ASIC2: variants seen among roughly 807,000 people sequenced by gnomAD.
ASIC2 encodes acid sensing ion channel subunit 2.
A neutral mutation model predicts 57.3 loss-of-function variants in ASIC2; 25 were observed. The ratio of observed to expected loss-of-function variants is 0.44; its 90% CI spans 0.32 to 0.61. The LOEUF (loss-of-function observed/expected upper bound fraction) is 0.61, where lower values mean the gene tolerates loss of function less well. ASIC2 is among the 20% of genes least tolerant of loss of function. The pLI, the probability that ASIC2 is intolerant of heterozygous loss-of-function variation, is 0.06. For missense variants in ASIC2, 641 were observed against 738.1 expected (o/e 0.87, Z 1.52); for synonymous variants, 319 against 307.5 (o/e 1.04, Z -0.39).
chr17:33,056,579 G>A, intron 3 of ASIC2, among the ~76,000 whole-genome samples: 1 of 152,154 alleles, frequency 6.6e-6, no homozygotes, highest in Non-Finnish European at 1.5e-5. Context: ...CATCCCCACT[G>A]TAATGTGCTG....
chr17:33,104,976 A>G (rs8074764), intron 2 of ASIC2, among the ~76,000 whole-genome samples: 97,367 of 152,054 alleles, frequency 0.64, 31,621 homozygotes, highest in African/African-American at 0.75. Context: ...TCACTAATGC[A>G]GGCTTCTCCC....
chr17:33,426,147 G>A (rs1387686489), intron 1 of ASIC2, among the ~76,000 whole-genome samples: 1 of 152,152 alleles, frequency 6.6e-6, no homozygotes, highest in Non-Finnish European at 1.5e-5. Flanking sequence ...TGTTGTTTTT[G>A]TTGTTTTGCT....
intron 1 of ASIC2, among the ~76,000 whole-genome samples, chr17:33,602,132 G>C (rs1482668842): frequency 6.6e-6 from 1 of 152,184 alleles, no homozygotes; most frequent in Non-Finnish European, 1.5e-5. Flanking sequence ...TTGGAGTTTG[G>C]ACTTTCGAGT....
At chr17:33,127,266 C>T (rs932076951) in intron 1 of ASIC2, among the ~76,000 whole-genome samples, 2 of 152,152 alleles carry the variant, frequency 1.3e-5, no homozygotes, top group East Asian at 1.9e-4. Context: ...CAGGGGCAGA[C>T]GTGGGATCTC....
intron 1 of ASIC2, among the ~76,000 whole-genome samples, chr17:33,641,330 A>G (rs1906556863): frequency 1.3e-5 from 2 of 152,220 alleles, no homozygotes; most frequent in Non-Finnish European, 1.5e-5. Flanking sequence ...TCACTTCTTT[A>G]CTGAACATCC....
Position 33,955,461 on chromosome 17 carries a change from C to T in ASIC2, c.555+200517G>A, listed in dbSNP as rs576974869. The T allele has an allele frequency of 7.2e-5, 11 of 152,348 alleles. No homozygotes were observed. The East Asian group carries it at 2.1e-3, about 29-fold the overall frequency. The allele number at this position is 152,348 out of a possible 1,614,324, so 9.4% of individuals were successfully genotyped here. A position where few individuals can be genotyped will look rare whatever the true frequency, so the allele number is the denominator to read the frequency against. The stretch of plus-strand genomic sequence containing the variant: ...TTCCAGCTTGCTTCCTGGTGGCTTC[C>T]TGCCTGCTTCTGTTCCTGGAAGCTT... On this transcript the variant is annotated intron_variant, in intron 1 of 9. Transcript: ENST00000359872.
intron 1 of ASIC2, among the ~76,000 whole-genome samples, chr17:33,788,836 G>A (rs1222502595): frequency 1.3e-5 from 2 of 152,140 alleles, no homozygotes; most frequent in African/African-American, 4.8e-5. Context: ...TCACTCATAA[G>A]TGGGAAGTGA....
At chr17:33,846,160 T>G (rs1412455925) in intron 1 of ASIC2, among the ~76,000 whole-genome samples, 2 of 152,202 alleles carry the variant, frequency 1.3e-5, no homozygotes, top group Non-Finnish European at 1.5e-5. Flanking sequence ...AGGCCCAGTG[T>G]GCACAGGCTT....
chr17:33,204,194 C>A (rs1906978340), intron 1 of ASIC2, among the ~76,000 whole-genome samples: 1 of 152,198 alleles, frequency 6.6e-6, no homozygotes, highest in South Asian at 2.1e-4. Context: ...ATTGTCTGGT[C>A]TTTTGTCTCA....
At chr17:33,493,934 C>A (rs1913845875) in intron 1 of ASIC2, among the ~76,000 whole-genome samples, 1 of 152,346 alleles carries the variant, frequency 6.6e-6, no homozygotes, top group East Asian at 1.9e-4. Flanking sequence ...CCACTGACTA[C>A]CCTCTGTAGA....
chr17:33,663,042 C>T (rs1461755691), intron 1 of ASIC2, among the ~76,000 whole-genome samples: 2 of 152,308 alleles, frequency 1.3e-5, no homozygotes, highest in East Asian at 1.9e-4. Flanking sequence ...CACACGCACT[C>T]GCATGCGCCT....
At chr17:33,362,572 G>A (rs1394386) in intron 1 of ASIC2, among the ~76,000 whole-genome samples, 26,328 of 152,196 alleles carry the variant, frequency 0.17, 2,945 homozygotes, top group East Asian at 0.48. Context: ...GCATTTAACT[G>A]GGGAGTGTCA....
chr17:33,651,869 G>T (rs280045), intron 1 of ASIC2, among the ~76,000 whole-genome samples: 43,971 of 152,088 alleles, frequency 0.29, 6,972 homozygotes, highest in Admixed American at 0.4. Flanking sequence ...GAGTGAGGTG[G>T]AGAACACAGT....
chr17:33,915,207 A>G (rs1349418277), intron 1 of ASIC2, among the ~76,000 whole-genome samples: 1 of 152,220 alleles, frequency 6.6e-6, no homozygotes, highest in African/African-American at 2.4e-5. Flanking sequence ...ATAGCTGTGC[A>G]AATCTGAGAC....
intron 1 of ASIC2, among the ~76,000 whole-genome samples, chr17:33,799,430 CTTTCTTTCT>C (rs1567719049): frequency 2.1e-3 from 32 of 15,384 alleles, no homozygotes; most frequent in African/African-American, 5.5e-3. Context: ...TTTCTTTCTT[CTTTCTTTCT>C]TTCTTTCTTT....
chr17:33,244,368 G>A (rs966567725), intron 1 of ASIC2, among the ~76,000 whole-genome samples: 11 of 152,186 alleles, frequency 7.2e-5, no homozygotes, highest in Admixed American at 4.6e-4. Flanking sequence ...TCTAGGAAGT[G>A]CGTGAAATCC....
At chr17:33,461,650 T>G (rs1438259279) in intron 1 of ASIC2, among the ~76,000 whole-genome samples, 1 of 152,152 alleles carries the variant, frequency 6.6e-6, no homozygotes, top group East Asian at 1.9e-4. Context: ...ACCTAAGCTT[T>G]CCAAATGCTA....
chr17:33,690,810 C>T (rs555557740), intron 1 of ASIC2, among the ~76,000 whole-genome samples: 12 of 133,016 alleles, frequency 9.0e-5, no homozygotes, highest in South Asian at 4.8e-4. Context: ...AGTTCAGTGG[C>T]GCAATCTTGG....
chr17:33,210,134 G>A (rs11656803), intron 1 of ASIC2, among the ~76,000 whole-genome samples: 6,145 of 152,170 alleles, frequency 0.04, 152 homozygotes, highest in Non-Finnish European at 0.063. Flanking sequence ...CTTTCCCCAC[G>A]TCGCCCATGT....
Sources: allele counts gnomAD v4.1 joint callset (sites outside exome capture counted in the v4.1 genomes callset), GRCh38; gene constraint gnomAD v4.1.1; transcripts MANE v1.5; gene names NCBI Gene and HGNC (gene_info 2026-07-23, HGNC 2026-07-21).